Variants in TCEA3 observed in about 807,000 individuals in gnomAD.
TCEA3 encodes transcription elongation factor A protein 3.
TCEA3 carries 36 observed loss-of-function variants against 44.0 expected under a neutral mutation model. The ratio of observed to expected loss-of-function variants is 0.82; its 90% confidence interval spans 0.63 to 1.08. The LOEUF (loss-of-function observed/expected upper bound fraction) is 1.08, where lower values mean the gene tolerates loss of function less well. TCEA3 is among the 50% of genes least tolerant of loss of function. TCEA3 has a pLI of 0.00. For synonymous variants in TCEA3, 162 were observed against 159.7 expected (o/e 1.01, Z -0.11); for missense variants, 392 against 441.2 (o/e 0.89, Z 1.00).
At chr1:23,408,590 T>C in intron 5 of TCEA3, 74 bp downstream of exon 5, 1 of 1,471,772 alleles carries the variant, frequency 6.8e-7, no homozygotes, top group South Asian at 1.2e-5. Flanking sequence ...GCCTTGGGCT[T>C]CCTCCATAAA....
At chr1:23,399,754 T>C (rs1036887054) in intron 5 of TCEA3, among the ~76,000 whole-genome samples, 9 of 151,810 alleles carry the variant, frequency 5.9e-5, no homozygotes, top group Non-Finnish European at 1.2e-4. Context: ...TGGCTCACTG[T>C]AACCTCCACC....
At chr1:23,399,150 A>ATG (rs1558042980) in intron 5 of TCEA3, among the ~76,000 whole-genome samples, 2 of 101,364 alleles carry the variant, frequency 2.0e-5, no homozygotes, top group Non-Finnish European at 3.6e-5. Flanking sequence ...ATATGTATAT[A>ATG]TATATATATA....
In TCEA3 at chr1:23,418,210, G is replaced by T. The variant is rs968242232; in HGVS notation, c.133-201C>A. The T allele has an allele frequency of 3.5e-5, 20 of 573,280 alleles. No homozygotes were observed. In the Admixed American group the frequency reaches 4.2e-4, roughly 12 times the overall value. The allele number at this position is 573,280 out of a possible 1,614,324, so 35.5% of individuals were successfully genotyped here. On this transcript the variant is annotated intron_variant, in intron 2 of 10. Coordinates refer to ENST00000450454, the MANE Select transcript of TCEA3 (RefSeq NM_003196.3). Reference sequence around the variant, plus strand: ...CTCTGCACGAGGCCGAGGGCCCAGGGCTAAGCCTGACATGGAGGATATCTG... The same window carrying T: ...CTCTGCACGAGGCCGAGGGCCCAGGTCTAAGCCTGACATGGAGGATATCTG...
intron 1 of TCEA3, among the ~76,000 whole-genome samples, chr1:23,422,655 G>A (rs1001207): frequency 0.63 from 95,373 of 151,902 alleles, 35,202 homozygotes; most frequent in Non-Finnish European, 0.81. Flanking sequence ...GAGCCCAGGC[G>A]CAGACGTGGC....
intron 4 of TCEA3, among the ~76,000 whole-genome samples, chr1:23,416,000 CTTTTTT>C (rs768819564): frequency 8.4e-6 from 1 of 118,714 alleles, no homozygotes. Context: ...CTACATTTTC[CTTTTTT>C]TTTTTTTTTT....
chr1:23,408,657 C>T lies in TCEA3; in HGVS notation c.443+7G>A, dbSNP rs1639622086. The T allele has an allele frequency of 1.2e-6, 2 of 1,609,988 alleles. No individual in the cohort carries two copies. The highest frequency in any genetic ancestry group is 2.7e-5 in the African/African-American group (2 of 74,892). On this transcript the variant is annotated splice_region_variant and intron_variant, in intron 5 of 10. Transcript: ENST00000450454. ...ACTGGGATGGAGAAAGCTGTGGTTT[C>T]CTTTACCTTTCCACCGATGGTCTTT...
intron 1 of TCEA3, among the ~76,000 whole-genome samples, chr1:23,422,714 T>C (rs1398483238): frequency 6.6e-6 from 1 of 152,078 alleles, no homozygotes; most frequent in East Asian, 1.9e-4. Flanking sequence ...ACTTGCATCT[T>C]TTCAGGGGAC....
At chr1:23,395,050 G>T (rs368137417) in intron 7 of TCEA3, among the ~76,000 whole-genome samples, 2 of 152,252 alleles carry the variant, frequency 1.3e-5, no homozygotes, top group African/African-American at 4.8e-5. Context: ...AAGAGACTGC[G>T]GAGAATGTGG....
intron 7 of TCEA3, 120 bp downstream of exon 7, chr1:23,397,425 G>C (rs1419818065): frequency 1.2e-6 from 1 of 847,136 alleles, no homozygotes; most frequent in Non-Finnish European, 1.9e-6. Context: ...TTCAGGGGCA[G>C]AGCAGGGGCT....
At chr1:23,397,126 C>T (rs1639239967) in intron 7 of TCEA3, among the ~76,000 whole-genome samples, 1 of 152,048 alleles carries the variant, frequency 6.6e-6, no homozygotes, top group African/African-American at 2.4e-5. Context: ...ACGACTTGGC[C>T]AACTGAGGCA....
intron 5 of TCEA3, among the ~76,000 whole-genome samples, chr1:23,401,607 G>A (rs1431414405): frequency 1.3e-5 from 2 of 152,138 alleles, no homozygotes; most frequent in African/African-American, 2.4e-5. Context: ...TGGTCACAGG[G>A]TTCCCACCTG....
intron 5 of TCEA3, among the ~76,000 whole-genome samples, chr1:23,404,510 T>C (rs1639487426): frequency 6.6e-6 from 1 of 152,088 alleles, no homozygotes; most frequent in African/African-American, 2.4e-5. Context: ...TGCATTTTGG[T>C]GTCTGCCTCT....
At chr1:23,415,504 T>C (rs1250847263) in intron 4 of TCEA3, among the ~76,000 whole-genome samples, 1 of 152,166 alleles carries the variant, frequency 6.6e-6, no homozygotes. Flanking sequence ...TCATAAGAGC[T>C]CTCCTGCTCC....
Position 23,424,559 on chromosome 1 carries a change from C to T in TCEA3, c.69+6G>A, listed in dbSNP as rs199905417. 40 of 1,606,494 alleles carry T rather than the reference C, an allele frequency of 2.5e-5. No individual in the cohort carries two copies. The Admixed American group carries it at 5.5e-4, about 22-fold the overall frequency. On this transcript the variant is annotated splice_donor_region_variant and intron_variant, in intron 1 of 10. Coordinates refer to ENST00000450454, the MANE Select transcript of TCEA3 (RefSeq NM_003196.3). ...GGGGGCCGTGGCCCAAACTCTGCAG[C>T]CTCACCGTGTTCTTCCTGGCCACCA...
intron 5 of TCEA3, among the ~76,000 whole-genome samples, chr1:23,401,526 G>T (rs993783298): frequency 6.6e-6 from 1 of 152,080 alleles, no homozygotes; most frequent in Non-Finnish European, 1.5e-5. Flanking sequence ...GGTGAGGAAA[G>T]GCTGGACAGG....
intron 7 of TCEA3, among the ~76,000 whole-genome samples, chr1:23,396,233 G>A (rs967670215): frequency 6.6e-6 from 1 of 152,208 alleles, no homozygotes; most frequent in Admixed American, 6.5e-5. Context: ...GCTGAACTCC[G>A]CAGGTAGAAC....
intron 4 of TCEA3, among the ~76,000 whole-genome samples, chr1:23,415,446 C>T (rs1038262084): frequency 6.6e-6 from 1 of 152,226 alleles, no homozygotes; most frequent in East Asian, 1.9e-4. Flanking sequence ...TCCCAAATCC[C>T]ATTTGGTCCC....
intron 5 of TCEA3, among the ~76,000 whole-genome samples, chr1:23,408,229 T>C (rs553292938): frequency 3.9e-5 from 6 of 152,176 alleles, no homozygotes; most frequent in Non-Finnish European, 7.3e-5. Context: ...TCCAAAGTGC[T>C]GGGATTACAG....
rs751229307 is a variant in TCEA3 at position 23,417,322 on chromosome 1, G to A, written c.307C>T (p.Leu103Phe). Reference sequence around the variant, plus strand: ...TCTGGCTTCCAGTCTGAACACTCAAGCCCTTTTTCCTTCTTCTTTGCCTTT... The same window carrying A: ...TCTGGCTTCCAGTCTGAACACTCAAACCCTTTTTCCTTCTTCTTTGCCTTT... Reference protein sequence around the residue: ...REKAKKKEKGLECSDWKPEAG... With the variant: ...REKAKKKEKGFECSDWKPEAG... Residue 103 changes from leucine (L) to phenylalanine (F), a missense_variant, in exon 4 of 11, where the codon CTT becomes TTT. Coordinates refer to ENST00000450454, the MANE Select transcript of TCEA3 (RefSeq NM_003196.3). 3 of 1,613,968 alleles carry A rather than the reference G, an allele frequency of 1.9e-6. No individual in the cohort carries two copies. The highest frequency in any genetic ancestry group is 3.3e-4 in the Middle Eastern group (2 of 6,062).
Sources: gnomAD v4.1 joint callset for allele counts (sites outside exome capture counted in the v4.1 genomes callset) on GRCh38, gnomAD v4.1.1 for gene constraint, MANE v1.5 for transcripts, NCBI Gene and HGNC (gene_info 2026-07-23, HGNC 2026-07-21) for gene names.